The following CD276 variants were observed in gnomAD, a reference collection of about 807,000 sequenced individuals.
CD276 encodes the protein CD276 molecule.
Under a neutral mutation model 50.0 loss-of-function variants are expected in CD276, and 34 were observed. That is an observed-to-expected ratio of 0.68 (90% CI 0.52 to 0.91). The LOEUF (loss-of-function observed/expected upper bound fraction) is 0.91. Ranked by LOEUF, CD276 falls within the 40% of genes least tolerant of loss-of-function variation. The pLI is 0.00. For missense variants in CD276, 634 were observed against 717.5 expected (o/e 0.88, Z 1.33); for synonymous variants, 275 against 313.0 (o/e 0.88, Z 1.28).
intron 1 of CD276, among the ~76,000 whole-genome samples, chr15:73,695,660 G>C (rs1201427570): frequency 6.6e-6 from 1 of 152,108 alleles, no homozygotes; most frequent in Non-Finnish European, 1.5e-5. Context: ...GGACTCCTTC[G>C]GTTGCAGACA....
At chr15:73,688,290 A>G (rs1295755334) in intron 1 of CD276, among the ~76,000 whole-genome samples, 3 of 152,090 alleles carry the variant, frequency 2.0e-5, no homozygotes, top group Non-Finnish European at 4.4e-5. Flanking sequence ...GCTTGCGGCA[A>G]TAATAACAGC....
At chr15:73,700,383 TGCTCTGAGACGGCTTCC>T (rs900435368) in intron 2 of CD276, among the ~76,000 whole-genome samples, 22 of 152,250 alleles carry the variant, frequency 1.4e-4, no homozygotes, top group African/African-American at 4.6e-4. Flanking sequence ...TCAGCATCTC[TGCTCTGAGACGGCTTCC>T]TCCGTGGGGA....
At chr15:73,689,102 C>T (rs1048154496) in intron 1 of CD276, among the ~76,000 whole-genome samples, 1 of 152,058 alleles carries the variant, frequency 6.6e-6, no homozygotes, top group Non-Finnish European at 1.5e-5. Flanking sequence ...CTTCCTCTCC[C>T]TATTCTCCTT....
rs746846091 is a variant in CD276 at position 73,708,423 on chromosome 15, C to T, written c.1454C>T (p.Ala485Val). 2 of 1,614,050 alleles carry T rather than the reference C, an allele frequency of 1.2e-6. No homozygotes were observed. Among genetic ancestry groups the T allele is most frequent in the Non-Finnish European group, 1.7e-6 (2 of 1,179,986 alleles). ...VCLIALLVAL[A>V]FVCWRKIKQS... ...CTCATTGCACTGCTGGTGGCCCTGG[C>T]TTTCGTGTGCTGGAGAAAGATCAAA... Residue 485 changes from alanine (A) to valine (V), a missense_variant, in exon 7 of 10, where the codon GCT (alanine) becomes GTT (valine). Coordinates refer to ENST00000318443, the MANE Select transcript of CD276 (RefSeq NM_001024736.2).
chr15:73,714,062 C>T lies in CD276; in HGVS notation c.*1106C>T. On this transcript the variant is annotated 3_prime_UTR_variant, in exon 10 of 10. Transcript: ENST00000318443. ...CTGGATACCTCACCCCCATCCCACC[C>T]ATAATTCTTACCCAGAGCATGGGGT... The T allele has an allele frequency of 3.4e-6, 1 of 293,078 alleles. No individual in the cohort carries two copies. Among genetic ancestry groups the T allele is most frequent in the Non-Finnish European group, 6.4e-6 (1 of 155,692 alleles). 18.2% of individuals were successfully genotyped at this position (293,078 alleles called of 1,614,324 possible).
chr15:73,704,600 G>A lies in CD276; in HGVS notation c.1369+128G>A. On this transcript the variant is annotated intron_variant, in intron 6 of 9. Transcript: ENST00000318443. This position sits in a 1 kb window ranked among gnomAD's most constrained non-coding sequence, Gnocchi z 4.1. ...AAAATCCCTTTCATAGACTTCAGGT[G>A]CTCACACTCTTCCCCACAAGTCCTT... 8.1e-7 allele frequency: 1 copy of A among 1,235,066 alleles called. No homozygotes were observed. Among genetic ancestry groups the A allele is most frequent in the East Asian group, 2.5e-5 (1 of 39,234 alleles). The allele number at this position is 1,235,066 out of a possible 1,614,324, so 76.5% of individuals were successfully genotyped here.
chr15:73,699,859 T>A, intron 2 of CD276, 141 bp downstream of exon 2: 1 of 953,798 alleles, frequency 1.0e-6, no homozygotes, highest in Non-Finnish European at 1.5e-6. Flanking sequence ...TGGGATCCAG[T>A]AGGCAACTCA....
In CD276 at chr15:73,691,527, G is replaced by A. The variant is rs189086093; in HGVS notation, c.-55+7067G>A. On this transcript the variant is annotated intron_variant, in intron 1 of 9. Coordinates refer to ENST00000318443, the MANE Select transcript of CD276 (RefSeq NM_001024736.2). ...GTGGCTTGGCTTACAGCTCATTCTCGAACTAATCACTGAGTGGGGGCAGGG... is the reference window on the plus strand; with the variant it reads ...GTGGCTTGGCTTACAGCTCATTCTCAAACTAATCACTGAGTGGGGGCAGGG... Among the ~76,000 whole-genome samples the A allele has an allele frequency of 1.8e-3, 273 of 152,208 alleles. 1 individual carries two copies. The highest frequency in any genetic ancestry group is 0.017 in the Admixed American group (256 of 15,290).
In CD276 at chr15:73,708,489, T is replaced by C. The variant is rs756695894; in HGVS notation, c.1504+16T>C. The C allele has an allele frequency of 8.7e-6, 14 of 1,609,914 alleles. No individual in the cohort carries two copies. Among genetic ancestry groups the C allele is most frequent in the Non-Finnish European group, 1.2e-5 (14 of 1,178,086 alleles). On this transcript the variant is annotated intron_variant, in intron 7 of 9. Transcript: ENST00000318443. ...GAGAATGCAGGTGAGTGTGTGTGTA[T>C]GTGTGTGCGTGCGCATGCACACTTA...
Position 73,708,586 on chromosome 15 carries a change from T to C in CD276, c.1504+113T>C, listed in dbSNP as rs1271424150. On this transcript the variant is annotated intron_variant, in intron 7 of 9. Transcript: ENST00000318443. ...TTTCTAGTGACAGAACGAGTGTGTG[T>C]GTGCAGATGGGGCTGGATTTGTCTG... 4 of 1,284,048 alleles carry C rather than the reference T, an allele frequency of 3.1e-6. No individual in the cohort carries two copies. In the African/African-American group the frequency reaches 5.8e-5, roughly 19 times the overall value. The allele number at this position is 1,284,048 out of a possible 1,614,324, so 79.5% of individuals were successfully genotyped here. A position where few individuals can be genotyped will look rare whatever the true frequency, so the allele number is the denominator to read the frequency against.
At chr15:73,694,280 C>G (rs1048890574) in intron 1 of CD276, among the ~76,000 whole-genome samples, 1 of 152,208 alleles carries the variant, frequency 6.6e-6, no homozygotes, top group East Asian at 1.9e-4. Context: ...TCACTTCTAC[C>G]CTTGACATTT....
intron 1 of CD276, among the ~76,000 whole-genome samples, chr15:73,697,963 GT>G (rs1900239621): frequency 6.6e-6 from 1 of 152,182 alleles, no homozygotes; most frequent in Non-Finnish European, 1.5e-5. Context: ...TTCTATTCTT[GT>G]TGATCAGTGT....
chr15:73,701,620 T>C (rs77769311), intron 2 of CD276, among the ~76,000 whole-genome samples: 1 of 152,220 alleles, frequency 6.6e-6, no homozygotes, highest in Non-Finnish European at 1.5e-5. Context: ...CTCTTTTTCA[T>C]TCCCTATAAA....
chr15:73,699,670 G>C lies in CD276; in HGVS notation c.31G>C (p.Gly11Arg). 1 of 1,613,376 alleles carries C rather than the reference G, an allele frequency of 6.2e-7. No homozygotes were observed. The highest frequency in any genetic ancestry group is 8.5e-7 in the Non-Finnish European group (1 of 1,179,666). The change falls in exon 2 of 10, where the codon GGT (glycine) becomes CGT (arginine). Residue 11 changes from glycine to arginine, a missense_variant. Coordinates refer to ENST00000318443, the MANE Select transcript of CD276 (RefSeq NM_001024736.2). ...GCGTCGGCGGGGCAGCCCTGGCATG[G>C]GTGTGCATGTGGGTGCAGCCCTGGG... Reference protein sequence around the residue: MLRRRGSPGMGVHVGAALGAL... With the variant: MLRRRGSPGMRVHVGAALGAL...
Position 73,704,324 on chromosome 15 carries a change from C to G in CD276, c.1221C>G (p.Asn407Lys), listed in dbSNP as rs369412356. The G allele has an allele frequency of 5.0e-6, 8 of 1,613,878 alleles. No homozygotes were observed. Among genetic ancestry groups the G allele is most frequent in the Admixed American group, 3.3e-5 (2 of 60,024 alleles). Residue 407 changes from asparagine (N) to lysine (K), a missense_variant, in exon 6 of 10, where the codon AAC becomes AAG. Physicochemically the swap from Asn to Lys is moderately conservative, Grantham distance 94. Coordinates refer to ENST00000318443, the MANE Select transcript of CD276 (RefSeq NM_001024736.2). This position sits in a 1 kb window ranked among gnomAD's most constrained non-coding sequence, Gnocchi z 4.1. Reference protein sequence around the residue: ...QDGQGVPLTGNVTTSQMANEQ... With the variant: ...QDGQGVPLTGKVTTSQMANEQ... ...GGCAGGGTGTGCCCCTGACTGGCAA[C>G]GTGACCACGTCGCAGATGGCCAACG... is the stretch of plus-strand genomic sequence containing the variant.
intron 6 of CD276, among the ~76,000 whole-genome samples, chr15:73,705,506 G>A (rs1215771404): frequency 6.6e-6 from 1 of 151,968 alleles, no homozygotes; most frequent in African/African-American, 2.4e-5. Context: ...GTTTCCTTCT[G>A]GCAAGGTTGT....
At chr15:73,696,712 T>A (rs1166837619) in intron 1 of CD276, among the ~76,000 whole-genome samples, 1 of 152,146 alleles carries the variant, frequency 6.6e-6, no homozygotes, top group Non-Finnish European at 1.5e-5. Context: ...GCCTGATATA[T>A]GAAGGAGACA....
intron 1 of CD276, chr15:73,686,297 G>A (rs1899757071): frequency 1.0e-6 from 1 of 985,278 alleles, no homozygotes. Flanking sequence ...ACATGAGCTT[G>A]TCAGAGGTAA....
chr15:73,688,132 C>G (rs899303345), intron 1 of CD276, among the ~76,000 whole-genome samples: 1 of 152,000 alleles, frequency 6.6e-6, no homozygotes, highest in Non-Finnish European at 1.5e-5. Context: ...TGATAGGGCT[C>G]TAGGTGAAAA....
Sources: allele counts gnomAD v4.1 joint callset (sites outside exome capture counted in the v4.1 genomes callset), GRCh38; gene constraint gnomAD v4.1.1; non-coding constraint Gnocchi (gnomAD v3.1); transcripts MANE v1.5; gene names NCBI Gene and HGNC (gene_info 2026-07-23, HGNC 2026-07-21).